Variants in MMP16 observed in about 807,000 individuals in gnomAD.
MMP16 encodes matrix metalloproteinase-16.
A neutral mutation model predicts 67.8 loss-of-function variants in MMP16; 12 were observed. That is an observed-to-expected ratio of 0.18 (90% CI 0.11 to 0.29). The LOEUF (loss-of-function observed/expected upper bound fraction) is 0.29, where lower values mean the gene tolerates loss of function less well. MMP16 is among the 10% of genes least tolerant of loss of function. The pLI is 1.00. For synonymous variants in MMP16, 249 were observed against 255.9 expected (o/e 0.97, Z 0.26); for missense variants, 475 against 765.7 (o/e 0.62, Z 4.48).
chr8:88,175,557 T>C (rs1808873652), intron 3 of MMP16, among the ~76,000 whole-genome samples: 1 of 152,184 alleles, frequency 6.6e-6, no homozygotes, highest in Non-Finnish European at 1.5e-5. Context: ...TCTCAACCAA[T>C]TTCTGCAATT....
intron 1 of MMP16, among the ~76,000 whole-genome samples, chr8:88,201,502 C>A (rs1281456053): frequency 6.6e-6 from 1 of 152,046 alleles, no homozygotes; most frequent in Non-Finnish European, 1.5e-5. Flanking sequence ...TAGTAAGAAT[C>A]TCTTCCATTT....
intron 8 of MMP16, among the ~76,000 whole-genome samples, chr8:88,053,712 A>C (rs2118219672): frequency 6.6e-6 from 1 of 152,316 alleles, no homozygotes; most frequent in East Asian, 1.9e-4. Flanking sequence ...TAGAATAAAT[A>C]TATTGATAAC....
At chr8:88,206,743 A>G (rs936055892) in intron 1 of MMP16, among the ~76,000 whole-genome samples, 1 of 152,242 alleles carries the variant, frequency 6.6e-6, no homozygotes, top group African/African-American at 2.4e-5. Flanking sequence ...GTGACCAGAA[A>G]TATGCTGTAG....
intron 1 of MMP16, among the ~76,000 whole-genome samples, chr8:88,227,191 G>A (rs575557612): frequency 6.6e-6 from 1 of 152,104 alleles, no homozygotes; most frequent in Admixed American, 6.5e-5. Context: ...CAGACAGTAG[G>A]TTAAATCTTG....
chr8:88,125,266 T>C (rs1178138335), intron 4 of MMP16, among the ~76,000 whole-genome samples: 1 of 151,682 alleles, frequency 6.6e-6, no homozygotes, highest in Non-Finnish European at 1.5e-5. Flanking sequence ...TACACAGAAC[T>C]TCACTTTTTA....
chr8:88,193,361 A>C (rs1563558567), intron 2 of MMP16, among the ~76,000 whole-genome samples: 1 of 152,138 alleles, frequency 6.6e-6, no homozygotes, highest in Non-Finnish European at 1.5e-5. Context: ...AAAACAAAAC[A>C]AAACAAAACA....
At chr8:88,267,961 A>G (rs1810500822) in intron 1 of MMP16, among the ~76,000 whole-genome samples, 1 of 152,132 alleles carries the variant, frequency 6.6e-6, no homozygotes, top group Non-Finnish European at 1.5e-5. Context: ...TAAATTAAAA[A>G]GGCTACATTT....
intron 7 of MMP16, among the ~76,000 whole-genome samples, chr8:88,057,090 CACCAATGCCCTCCA>C (rs1160712243): frequency 6.6e-6 from 1 of 152,080 alleles, no homozygotes; most frequent in Non-Finnish European, 1.5e-5. Flanking sequence ...GTTCTGGAGT[CACCAATGCCCTCCA>C]ACTAAAAAAT....
intron 3 of MMP16, among the ~76,000 whole-genome samples, chr8:88,184,563 G>GGAAAAA (rs1484208942): frequency 9.1e-5 from 1 of 10,930 alleles, no homozygotes; most frequent in Non-Finnish European, 1.3e-4. Context: ...CTCTCTCTCT[G>GGAAAAA]AAAAAAAAAA....
intron 6 of MMP16, 108 bp downstream of exon 6, chr8:88,116,399 C>A: frequency 1.1e-6 from 1 of 948,992 alleles, no homozygotes; most frequent in Non-Finnish European, 1.6e-6. Flanking sequence ...AACTTTCTAA[C>A]TGTGAGAGGG....
At chr8:88,140,839 T>A (rs1808200373) in intron 4 of MMP16, among the ~76,000 whole-genome samples, 1 of 152,150 alleles carries the variant, frequency 6.6e-6, no homozygotes, top group Non-Finnish European at 1.5e-5. Flanking sequence ...AAAATCAGAC[T>A]CTGCGCTTAA....
At chr8:88,239,430 T>C (rs1810000238) in intron 1 of MMP16, among the ~76,000 whole-genome samples, 1 of 152,170 alleles carries the variant, frequency 6.6e-6, no homozygotes, top group Non-Finnish European at 1.5e-5. Context: ...ATGTTTACCT[T>C]ACCTCATTGT....
intron 4 of MMP16, among the ~76,000 whole-genome samples, chr8:88,167,193 CAA>C (rs1808729010): frequency 6.6e-6 from 1 of 151,810 alleles, no homozygotes; most frequent in Non-Finnish European, 1.5e-5. Flanking sequence ...GCCTGGGCGA[CAA>C]GAGCAAAACT....
At chr8:88,065,875 T>C (rs1174236661) in intron 7 of MMP16, among the ~76,000 whole-genome samples, 4 of 152,160 alleles carry the variant, frequency 2.6e-5, no homozygotes. Flanking sequence ...ACAGTTCTTT[T>C]CTTTGCCATT....
At chr8:88,264,845 A>G (rs953029540) in intron 1 of MMP16, among the ~76,000 whole-genome samples, 1 of 152,242 alleles carries the variant, frequency 6.6e-6, no homozygotes, top group Non-Finnish European at 1.5e-5. Flanking sequence ...ATATCTCAAA[A>G]ATCGTGCCCT....
At position 88,196,727 on chromosome 8, in the gene MMP16, G is replaced by T. The variant is rs28907575; in HGVS notation, c.281+431C>A. Among the ~76,000 whole-genome samples, 10 of 152,192 alleles carry T rather than the reference G, an allele frequency of 6.6e-5. No homozygotes were observed. In the East Asian group the frequency reaches 1.7e-3, roughly 27 times the overall value. ...ACCCAAAATAAGAGCCCTAATTTGT[G>T]TTGTTTCCTAGTTTCCAGGGTGTAG... On this transcript the variant is annotated intron_variant, in intron 2 of 9. Transcript: ENST00000286614.
At chr8:88,187,929 T>C (rs75695434) in intron 2 of MMP16, among the ~76,000 whole-genome samples, 2,690 of 152,228 alleles carry the variant, frequency 0.018, 84 homozygotes, top group African/African-American at 0.059. Context: ...AAAAAATACA[T>C]CTTGTAAACG....
intron 1 of MMP16, among the ~76,000 whole-genome samples, chr8:88,277,988 C>T (rs1292075446): frequency 6.6e-6 from 1 of 152,188 alleles, no homozygotes; most frequent in African/African-American, 2.4e-5. Context: ...ATTTATTTGG[C>T]ATCTTCGATG....
At chr8:88,156,152 C>A (rs1459571727) in intron 4 of MMP16, among the ~76,000 whole-genome samples, 1 of 151,928 alleles carries the variant, frequency 6.6e-6, no homozygotes, top group Non-Finnish European at 1.5e-5. Flanking sequence ...TGATGATAAC[C>A]CATAGAGAGG....
Sources: gnomAD v4.1 joint callset for allele counts (sites outside exome capture counted in the v4.1 genomes callset) on GRCh38, gnomAD v4.1.1 for gene constraint, MANE v1.5 for transcripts, NCBI Gene and HGNC (gene_info 2026-07-23, HGNC 2026-07-21) for gene names.